The following HSD17B2 variants were observed in gnomAD, a reference collection of about 807,000 sequenced individuals.
The protein encoded by HSD17B2 is 17-beta-hydroxysteroid dehydrogenase type 2.
HSD17B2 carries 32 observed loss-of-function variants against 26.9 expected under a neutral mutation model. The ratio of observed to expected loss-of-function variants is 1.19; its 90% confidence interval spans 0.90 to 1.60. The LOEUF (loss-of-function observed/expected upper bound fraction) is 1.60, where lower values mean the gene tolerates loss of function less well. HSD17B2 is among the 40% of genes most tolerant of loss of function. The probability of loss-of-function intolerance (pLI) is 0.00; values close to 1 mark genes in which losing one functional copy is unlikely to be tolerated. For missense variants in HSD17B2, 613 were observed against 468.6 expected (o/e 1.31, Z -2.85); for synonymous variants, 246 against 186.7 (o/e 1.32, Z -2.59).
chr16:82,076,795 G>C (rs1259849247), intron 3 of HSD17B2, among the ~76,000 whole-genome samples: 1 of 152,120 alleles, frequency 6.6e-6, no homozygotes, highest in Non-Finnish European at 1.5e-5. Flanking sequence ...GGCCAGGATG[G>C]TTTCGATCTC....
chr16:82,069,426 A>T (rs187491121), intron 2 of HSD17B2, among the ~76,000 whole-genome samples: 234 of 152,290 alleles, frequency 1.5e-3, no homozygotes, highest in Non-Finnish European at 2.5e-3. Context: ...TTGGATGTAT[A>T]CCCGGTAATG....
intron 1 of HSD17B2, among the ~76,000 whole-genome samples, chr16:82,042,670 G>A (rs1913799246): frequency 6.6e-6 from 1 of 151,920 alleles, no homozygotes; most frequent in South Asian, 2.1e-4. Flanking sequence ...TACCCAGGCT[G>A]GAGTGCAATG....
chr16:82,072,977 G>T (rs1439099747), intron 3 of HSD17B2, among the ~76,000 whole-genome samples: 2 of 152,138 alleles, frequency 1.3e-5, no homozygotes, highest in Non-Finnish European at 2.9e-5. Flanking sequence ...AGGTGAATCT[G>T]TTGAGCCTGG....
intron 1 of HSD17B2, among the ~76,000 whole-genome samples, chr16:82,049,544 A>G (rs764419383): frequency 6.6e-6 from 1 of 152,266 alleles, no homozygotes; most frequent in Non-Finnish European, 1.5e-5. Context: ...ACAAGGTGTC[A>G]GAAGATGCTG....
chr16:82,094,306 T>C (rs917044719), intron 4 of HSD17B2: 2 of 152,242 alleles, frequency 1.3e-5, no homozygotes, highest in African/African-American at 2.4e-5. Context: ...TCTTCAGCTT[T>C]ACTGAATCAT....
At chr16:82,068,070 G>T (rs1204129893) in intron 1 of HSD17B2, 100 bp from the exon 2 acceptor site, 2 of 1,062,436 alleles carry the variant, frequency 1.9e-6, no homozygotes, top group Non-Finnish European at 2.8e-6. Context: ...TCTTCAGAGA[G>T]CATGGAGAAT....
intron 1 of HSD17B2, among the ~76,000 whole-genome samples, chr16:82,062,392 G>A (rs374857307): frequency 6.6e-6 from 1 of 152,158 alleles, no homozygotes; most frequent in East Asian, 1.9e-4. Context: ...CAGCACTAGT[G>A]ACAAAGGACC....
intron 1 of HSD17B2, among the ~76,000 whole-genome samples, chr16:82,053,141 T>C (rs1194739127): frequency 6.6e-6 from 1 of 152,224 alleles, no homozygotes; most frequent in African/African-American, 2.4e-5. Flanking sequence ...ACTATAGCAC[T>C]TATTAGCTAA....
chr16:82,052,165 G>A (rs1567580498), intron 1 of HSD17B2: 5 of 152,200 alleles, frequency 3.3e-5, no homozygotes. Flanking sequence ...GTTGGTCCCT[G>A]GAAAAATGAG....
At chr16:82,041,026 G>A (rs188377163) in intron 1 of HSD17B2, among the ~76,000 whole-genome samples, 2 of 152,012 alleles carry the variant, frequency 1.3e-5, no homozygotes, top group East Asian at 1.9e-4. Flanking sequence ...CTACTACAGG[G>A]AAGCATAAAA....
chr16:82,088,066 T>C (rs550779384), intron 3 of HSD17B2, among the ~76,000 whole-genome samples: 3 of 152,314 alleles, frequency 2.0e-5, no homozygotes, highest in Middle Eastern at 3.4e-3. Flanking sequence ...CAAAAGCTCA[T>C]GTGCACAAAT....
rs1913821589 is a variant in HSD17B2, at chr16:82,043,409, G to A, written c.265+7720G>A. On this transcript the variant is annotated intron_variant, in intron 1 of 4. Coordinates refer to ENST00000199936, the MANE Select transcript of HSD17B2 (RefSeq NM_002153.3). ...TTATAAAAATCATATAGATGGCCGG[G>A]CGCGGTGGCTCATGCCTGTAATCCC... 3.2e-5 allele frequency among the ~76,000 whole-genome samples: 4 copies of A among 124,314 alleles called. 1 individual carries two copies. The highest frequency in any genetic ancestry group is 2.2e-4 in the Admixed American group (3 of 13,914). The allele number at this position is 124,314 out of a possible 152,430, so 81.6% of individuals were successfully genotyped here. A position where few individuals can be genotyped will look rare whatever the true frequency, so the allele number is the denominator to read the frequency against.
At chr16:82,085,418 T>C (rs886432918) in intron 3 of HSD17B2, among the ~76,000 whole-genome samples, 1 of 152,122 alleles carries the variant, frequency 6.6e-6, no homozygotes, top group South Asian at 2.1e-4. Context: ...AATGCAGATA[T>C]TAATTAATTT....
chr16:82,081,846 A>G (rs1167296463), intron 3 of HSD17B2, among the ~76,000 whole-genome samples: 1 of 152,220 alleles, frequency 6.6e-6, no homozygotes, highest in African/African-American at 2.4e-5. Flanking sequence ...GAATCAACCC[A>G]ATTGCCCATC....
intron 1 of HSD17B2, among the ~76,000 whole-genome samples, chr16:82,036,061 T>C (rs1209336453): frequency 6.6e-6 from 1 of 152,276 alleles, no homozygotes; most frequent in East Asian, 1.9e-4. Context: ...TTGGCCAGGT[T>C]CTCCACCTGG....
intron 1 of HSD17B2, among the ~76,000 whole-genome samples, chr16:82,043,800 G>T (rs1238341949): frequency 1.3e-5 from 2 of 151,938 alleles, no homozygotes; most frequent in Admixed American, 6.6e-5. Context: ...ATCCACTGGG[G>T]TTTTGAATAA....
intron 3 of HSD17B2, among the ~76,000 whole-genome samples, chr16:82,079,756 A>T (rs566502357): frequency 6.6e-6 from 1 of 152,238 alleles, no homozygotes; most frequent in African/African-American, 2.4e-5. Flanking sequence ...AGAATGTAAC[A>T]CAAGGATTAG....
At chr16:82,054,921 A>G (rs1188657867) in intron 1 of HSD17B2, among the ~76,000 whole-genome samples, 1 of 152,226 alleles carries the variant, frequency 6.6e-6, no homozygotes, top group African/African-American at 2.4e-5. Context: ...GGTCTTCCCC[A>G]TGGCTGAAAG....
At chr16:82,073,362 C>T (rs1420150411) in intron 3 of HSD17B2, among the ~76,000 whole-genome samples, 1 of 151,964 alleles carries the variant, frequency 6.6e-6, no homozygotes, top group Non-Finnish European at 1.5e-5. Context: ...GTAGCTGGGA[C>T]TACAGACGCC....
Sources: gnomAD v4.1 joint callset for allele counts (sites outside exome capture counted in the v4.1 genomes callset) on GRCh38, gnomAD v4.1.1 for gene constraint, MANE v1.5 for transcripts, NCBI Gene and HGNC (gene_info 2026-07-23, HGNC 2026-07-21) for gene names.